Variants in CEP295 observed in about 807,000 individuals in gnomAD.
CEP295 encodes the protein centrosomal protein 295.
In CEP295, 190 loss-of-function variants were observed where a neutral mutation model predicts 291.6. The observed-to-expected ratio is 0.65, with a 90% confidence interval of 0.58 to 0.73. The LOEUF (loss-of-function observed/expected upper bound fraction) is 0.73, where lower values mean the gene tolerates loss of function less well. Among genes scored for constraint, CEP295 ranks in the 30% least tolerant of loss-of-function variants. The pLI, the probability that CEP295 is intolerant of heterozygous loss-of-function variation, is 0.00. For missense variants in CEP295, 2,863 were observed against 2,949.4 expected (o/e 0.97, Z 0.68); for synonymous variants, 993 against 1,038.8 (o/e 0.96, Z 0.85).
rs1951989622 is a variant in CEP295, at chr11:93,698,904, C to T, written c.3992C>T (p.Pro1331Leu). Reference sequence around the variant, plus strand: ...ATTTTTTCAAGCCACCTTCAGATCCCACAATTGCAGGATAGGCTTTTGAGG... The same window carrying T: ...ATTTTTTCAAGCCACCTTCAGATCCTACAATTGCAGGATAGGCTTTTGAGG... ...SKIFSSHLQI[P>L]QLQDRLLRIS... Residue 1331 changes from proline (P) to leucine (L), a missense_variant, in exon 15 of 30, where the codon CCA (proline) becomes CTA (leucine). By Grantham distance (98) the Pro-to-Leu change is moderately conservative. Around this residue, in one of 3 missense-constraint regions of CEP295, gnomAD observed 2,295 missense variants for 2,335.7 expected, o/e 0.98. Transcript: ENST00000325212. 3 of 1,551,634 alleles carry T rather than the reference C, an allele frequency of 1.9e-6. No individual in the cohort carries two copies. The highest frequency in any genetic ancestry group is 2.6e-6 in the Non-Finnish European group (3 of 1,146,966).
At chr11:93,724,409 A>T (rs1482253209) in intron 22 of CEP295, 34 bp downstream of exon 22, 10 of 1,534,434 alleles carry the variant, frequency 6.5e-6, no homozygotes, top group Non-Finnish European at 8.8e-6. Context: ...TGCAGTGAAT[A>T]TCTAAAAATA....
intron 1 of CEP295, among the ~76,000 whole-genome samples, chr11:93,664,240 G>A (rs1023625746): frequency 4.6e-5 from 7 of 152,020 alleles, no homozygotes; most frequent in Admixed American, 2.0e-4. Context: ...TAAATTTTCT[G>A]TTTTTTAAAT....
At chr11:93,706,446 T>G (rs1952516031) in intron 17 of CEP295, among the ~76,000 whole-genome samples, 1 of 152,210 alleles carries the variant, frequency 6.6e-6, no homozygotes, top group Non-Finnish European at 1.5e-5. Flanking sequence ...TGGTTATTTT[T>G]GAACTTTATA....
chr11:93,716,906 C>G (rs1337664017), intron 18 of CEP295, among the ~76,000 whole-genome samples: 2 of 152,136 alleles, frequency 1.3e-5, no homozygotes, highest in South Asian at 2.1e-4. Context: ...TGATGTACTT[C>G]TTAGACAAAA....
intron 18 of CEP295, among the ~76,000 whole-genome samples, chr11:93,708,210 G>A (rs1159278240): frequency 6.6e-6 from 1 of 152,042 alleles, no homozygotes; most frequent in Admixed American, 6.6e-5. Flanking sequence ...ATTGCAAAAT[G>A]TACAAAGAAA....
At chr11:93,710,122 C>A (rs1242583677) in intron 18 of CEP295, among the ~76,000 whole-genome samples, 1 of 151,976 alleles carries the variant, frequency 6.6e-6, no homozygotes, top group Non-Finnish European at 1.5e-5. Flanking sequence ...TCTTTATTTC[C>A]TTGTCTTGTG....
chr11:93,668,021 C>G (rs1379353413), intron 3 of CEP295, among the ~76,000 whole-genome samples: 1 of 151,974 alleles, frequency 6.6e-6, no homozygotes, highest in Non-Finnish European at 1.5e-5. Context: ...TAAAATTGGT[C>G]TTCCTATGAT....
intron 1 of CEP295, among the ~76,000 whole-genome samples, chr11:93,665,936 G>T (rs1263660311): frequency 2.0e-5 from 3 of 152,184 alleles, no homozygotes; most frequent in Non-Finnish European, 4.4e-5. Flanking sequence ...CAGCAACCTT[G>T]CTAGTTATGA....
chr11:93,695,787 G>A (rs1371735514), intron 13 of CEP295, 153 bp downstream of exon 13: 3 of 770,374 alleles, frequency 3.9e-6, no homozygotes, highest in Non-Finnish European at 5.7e-6. Flanking sequence ...GAGACAGGCA[G>A]ATCACTTCAG....
At chr11:93,722,726 T>G (rs1953832407) in intron 20 of CEP295, 1 of 233,586 alleles carries the variant, frequency 4.3e-6, no homozygotes, top group Admixed American at 5.2e-5. Flanking sequence ...GTAAGGAATA[T>G]TCCATTAAAA....
rs1314273495 is a variant in CEP295, at chr11:93,692,963, ACT to A, written c.1533+936_1533+937del. The stretch of plus-strand genomic sequence containing the variant: ...ACTCCAGCCTGGATGACAGAGTGAG[ACT>A]CTATCTCAAAAAAAAAAAAAAAAAA... On this transcript the variant is annotated intron_variant, in intron 12 of 29. Coordinates refer to ENST00000325212, the MANE Select transcript of CEP295 (RefSeq NM_033395.2). Among the ~76,000 whole-genome samples the A allele has an allele frequency of 8.6e-4, 106 of 122,952 alleles. 1 individual carries two copies. The highest frequency in any genetic ancestry group is 3.1e-3 in the African/African-American group (95 of 31,102). 80.7% of individuals were successfully genotyped at this position (122,952 alleles called of 152,430 possible).
intron 18 of CEP295, among the ~76,000 whole-genome samples, chr11:93,707,688 G>C (rs1240137328): frequency 6.6e-6 from 1 of 151,958 alleles, no homozygotes; most frequent in Non-Finnish European, 1.5e-5. Context: ...GGTAGAGCTT[G>C]CAGTGAGCCG....
intron 5 of CEP295, 35 bp from the exon 6 acceptor site, chr11:93,675,536 G>A: frequency 8.6e-7 from 1 of 1,162,792 alleles, no homozygotes; most frequent in Non-Finnish European, 1.2e-6. Flanking sequence ...GAAAATTAAT[G>A]CTTTTAACCT....
At chr11:93,669,403 A>G (rs1950329806) in intron 4 of CEP295, among the ~76,000 whole-genome samples, 1 of 136,964 alleles carries the variant, frequency 7.3e-6, no homozygotes, top group Admixed American at 8.1e-5. Context: ...GCCATTTTTA[A>G]CAACATTTCT....
rs1189992027 is a variant in CEP295, at chr11:93,695,677, AG to A, written c.1671+49del. 5 of 1,469,136 alleles carry A rather than the reference AG, an allele frequency of 3.4e-6. No individual in the cohort carries two copies. The African/African-American group carries it at 4.4e-5, about 13-fold the overall frequency. 91.0% of individuals were successfully genotyped at this position (1,469,136 alleles called of 1,614,324 possible). A position where few individuals can be genotyped will look rare whatever the true frequency, so the allele number is the denominator to read the frequency against. On this transcript the variant is annotated intron_variant, in intron 13 of 29. Coordinates refer to ENST00000325212, the MANE Select transcript of CEP295 (RefSeq NM_033395.2). ...TCATCACTACATAAATCATTTGGTA[AG>A]GGGGGCAAGAAAATATGAGCACTTG...
intron 17 of CEP295, among the ~76,000 whole-genome samples, chr11:93,706,417 C>A (rs1952515166): frequency 6.6e-6 from 1 of 152,120 alleles, no homozygotes; most frequent in African/African-American, 2.4e-5. Context: ...ATCTTGATTC[C>A]TATACCACAA....
intron 18 of CEP295, among the ~76,000 whole-genome samples, chr11:93,716,188 C>T (rs1953228724): frequency 6.6e-6 from 1 of 152,300 alleles, no homozygotes; most frequent in East Asian, 1.9e-4. Flanking sequence ...AGAGTGGATA[C>T]TTCCCCTCTG....
chr11:93,724,080 T>C (rs1953958872), intron 21 of CEP295, 174 bp from the exon 22 acceptor site: 1 of 576,918 alleles, frequency 1.7e-6, no homozygotes, highest in Non-Finnish European at 2.9e-6. Flanking sequence ...AGGACTTAAC[T>C]TTAAAGCATC....
chr11:93,727,073 A>C lies in CEP295; in HGVS notation c.6597A>C (p.Arg2199Ser). 1.9e-6 allele frequency: 3 copies of C among 1,551,696 alleles called. No individual in the cohort carries two copies. Among genetic ancestry groups the C allele is most frequent in the Non-Finnish European group, 2.6e-6 (3 of 1,146,750 alleles). The change falls in exon 24 of 30, where the codon AGA becomes AGC. Residue 2199 changes from arginine to serine, a missense_variant. By Grantham distance (110) the Arg-to-Ser change is moderately radical. Around this residue, in one of 3 missense-constraint regions of CEP295, gnomAD observed 2,295 missense variants for 2,335.7 expected, o/e 0.98. Coordinates refer to ENST00000325212, the MANE Select transcript of CEP295 (RefSeq NM_033395.2). ...DLPSIFSIEA[R>S]DSSQGMKNQN... is the part of the protein sequence containing the mutation. Reference sequence around the variant, plus strand: ...CAAGTATTTTTAGCATTGAAGCAAGAGATTCTTCCCAAGGCATGAAAAATC... The same window carrying C: ...CAAGTATTTTTAGCATTGAAGCAAGCGATTCTTCCCAAGGCATGAAAAATC...
Sources: gnomAD v4.1 joint callset for allele counts (sites outside exome capture counted in the v4.1 genomes callset) on GRCh38, gnomAD v4.1.1 for gene constraint, gnomAD v4.1.1 regional missense constraint, MANE v1.5 for transcripts, NCBI Gene and HGNC (gene_info 2026-07-23, HGNC 2026-07-21) for gene names.